MIGA1: variants seen among roughly 807,000 people sequenced by gnomAD.
MIGA1 encodes mitoguardin 1.
MIGA1 carries 58 observed loss-of-function variants against 82.0 expected under a neutral mutation model. That is an observed-to-expected ratio of 0.71 (90% CI 0.57 to 0.88). The LOEUF is 0.88. MIGA1 is among the 40% of genes least tolerant of loss of function. MIGA1 has a pLI of 0.00. For missense variants in MIGA1, 751 were observed against 749.1 expected, an observed-to-expected ratio of 1.00 and a Z score of -0.03; for synonymous variants, 249 against 253.6, an observed-to-expected ratio of 0.98 and a Z score of 0.17.
chr1:77,871,255 A>G (rs2101982114), intron 14 of MIGA1, among the ~76,000 whole-genome samples: 1 of 152,248 alleles, frequency 6.6e-6, no homozygotes, highest in Non-Finnish European at 1.5e-5. Flanking sequence ...TAATCCTAGC[A>G]CTTTGGGAGG....
chr1:77,782,387 A>T (rs975608047), intron 1 of MIGA1, among the ~76,000 whole-genome samples: 1 of 152,064 alleles, frequency 6.6e-6, no homozygotes, highest in African/African-American at 2.4e-5. Flanking sequence ...TCAGCTTCCT[A>T]TGGTCTTTTA....
At chr1:77,813,215 C>T (rs1185482359) in intron 5 of MIGA1, among the ~76,000 whole-genome samples, 2 of 152,112 alleles carry the variant, frequency 1.3e-5, no homozygotes, top group Non-Finnish European at 2.9e-5. Context: ...CTCCTGACCT[C>T]AGGTGATCCA....
intron 7 of MIGA1, among the ~76,000 whole-genome samples, chr1:77,839,416 G>A (rs1023753112): frequency 6.6e-6 from 1 of 151,808 alleles, no homozygotes; most frequent in Non-Finnish European, 1.5e-5. Flanking sequence ...TGTCACCCAG[G>A]ATGGAGTGTA....
At chr1:77,854,463 T>G (rs1436914487) in intron 8 of MIGA1, among the ~76,000 whole-genome samples, 2 of 152,258 alleles carry the variant, frequency 1.3e-5, no homozygotes, top group Non-Finnish European at 2.9e-5. Context: ...TTTAGTTCTT[T>G]AAGGAATCTT....
chr1:77,807,505 A>G (rs560442462), intron 5 of MIGA1, among the ~76,000 whole-genome samples: 56 of 152,240 alleles, frequency 3.7e-4, no homozygotes, highest in African/African-American at 1.3e-3. Flanking sequence ...AAGAGAAGCA[A>G]CTATAATTTT....
intron 13 of MIGA1, among the ~76,000 whole-genome samples, chr1:77,865,541 C>T (rs1166708): frequency 0.16 from 23,566 of 151,654 alleles, 2,394 homozygotes; most frequent in East Asian, 0.4. Flanking sequence ...TGCAGTGAAC[C>T]GAGATCACTC....
intron 1 of MIGA1, among the ~76,000 whole-genome samples, chr1:77,781,105 C>T (rs530961902): frequency 2.0e-5 from 3 of 151,904 alleles, no homozygotes; most frequent in South Asian, 4.2e-4. Context: ...GATGGGGTTT[C>T]GCTATATTGG....
chr1:77,828,818 A>G (rs1380174116), intron 7 of MIGA1, among the ~76,000 whole-genome samples: 1 of 152,106 alleles, frequency 6.6e-6, no homozygotes, highest in Non-Finnish European at 1.5e-5. Flanking sequence ...GACTACAGGC[A>G]TGTGCCACAC....
At chr1:77,799,394 T>G (rs1370446027) in intron 2 of MIGA1, among the ~76,000 whole-genome samples, 2 of 152,242 alleles carry the variant, frequency 1.3e-5, no homozygotes, top group African/African-American at 4.8e-5. Context: ...TAGGCTAGTT[T>G]AAGCCATGAT....
intron 7 of MIGA1, among the ~76,000 whole-genome samples, chr1:77,836,123 A>C (rs1428920259): frequency 6.6e-6 from 1 of 152,196 alleles, no homozygotes; most frequent in African/African-American, 2.4e-5. Flanking sequence ...TACATGAACA[A>C]ATATGTAAGT....
chr1:77,829,014 C>A (rs1684137223), intron 7 of MIGA1, among the ~76,000 whole-genome samples: 1 of 152,050 alleles, frequency 6.6e-6, no homozygotes, highest in Non-Finnish European at 1.5e-5. Flanking sequence ...ATTTTTCATT[C>A]TTTCCTATAT....
At chr1:77,798,738 A>G (rs567140151) in intron 2 of MIGA1, among the ~76,000 whole-genome samples, 104 of 152,264 alleles carry the variant, frequency 6.8e-4, no homozygotes, top group Non-Finnish European at 1.1e-3. Flanking sequence ...CTCTCATTGG[A>G]TTGAGGGCAC....
intron 2 of MIGA1, among the ~76,000 whole-genome samples, chr1:77,792,761 C>T (rs1386598587): frequency 6.6e-6 from 1 of 150,688 alleles, no homozygotes; most frequent in African/African-American, 2.4e-5. Context: ...ATGTCCTTTG[C>T]CCATTTTCTA....
chr1:77,860,302 G>A, intron 11 of MIGA1, 176 bp downstream of exon 11: 1 of 532,378 alleles, frequency 1.9e-6, no homozygotes, highest in Non-Finnish European at 3.3e-6. Context: ...TTTCAACCAA[G>A]TTGTTTCTCA....
chr1:77,832,045 C>T (rs1299141210), intron 7 of MIGA1, among the ~76,000 whole-genome samples: 1 of 152,088 alleles, frequency 6.6e-6, no homozygotes, highest in Non-Finnish European at 1.5e-5. Flanking sequence ...GTTACACTTC[C>T]TGTGAAGAGT....
chr1:77,796,697 C>A (rs550999963), intron 2 of MIGA1, among the ~76,000 whole-genome samples: 1 of 152,208 alleles, frequency 6.6e-6, no homozygotes, highest in Non-Finnish European at 1.5e-5. Context: ...CTTAGGTCAG[C>A]GCCTTTCTTC....
intron 2 of MIGA1, among the ~76,000 whole-genome samples, chr1:77,792,556 T>G (rs1241702101): frequency 6.6e-6 from 1 of 152,160 alleles, no homozygotes; most frequent in Non-Finnish European, 1.5e-5. Context: ...ATCTTAAGAC[T>G]AGAGAAAAAG....
chr1:77,874,381 GTAT>G (rs1646877594), intron 15 of MIGA1, among the ~76,000 whole-genome samples: 1 of 151,516 alleles, frequency 6.6e-6, no homozygotes, highest in Non-Finnish European at 1.5e-5. Context: ...AAATTATAAC[GTAT>G]TATTTTATTA....
intron 7 of MIGA1, among the ~76,000 whole-genome samples, chr1:77,828,604 A>G (rs540863393): frequency 7.5e-4 from 115 of 152,330 alleles, no homozygotes; most frequent in African/African-American, 2.6e-3. Flanking sequence ...TGTATGGTTC[A>G]TGTGTATTTT....
Sources: gnomAD v4.1 joint callset for allele counts (sites outside exome capture counted in the v4.1 genomes callset) on GRCh38, gnomAD v4.1.1 for gene constraint, MANE v1.5 for transcripts, NCBI Gene and HGNC (gene_info 2026-07-23, HGNC 2026-07-21) for gene names.